The following G3BP2 variants were observed in gnomAD, a reference collection of about 807,000 sequenced individuals.
The protein encoded by G3BP2 is ras GTPase-activating protein-binding protein 2.
A neutral mutation model predicts 56.7 loss-of-function variants in G3BP2; 11 were observed. That is an observed-to-expected ratio of 0.19 (90% CI 0.12 to 0.32). The LOEUF (loss-of-function observed/expected upper bound fraction) is 0.32. G3BP2 is among the 10% of genes least tolerant of loss of function. G3BP2 has a pLI of 1.00. For synonymous variants in G3BP2, 165 were observed against 191.6 expected (o/e 0.86, Z 1.15); for missense variants, 340 against 610.9 (o/e 0.56, Z 4.67).
chr4:75,664,720 C>A (rs1423712031), intron 1 of G3BP2, among the ~76,000 whole-genome samples: 1 of 152,076 alleles, frequency 6.6e-6, no homozygotes, highest in Non-Finnish European at 1.5e-5. Context: ...TGATGGCACA[C>A]ACCTGTAATC....
intron 1 of G3BP2, among the ~76,000 whole-genome samples, chr4:75,671,186 T>C (rs965042938): frequency 6.6e-6 from 1 of 152,198 alleles, no homozygotes; most frequent in African/African-American, 2.4e-5. Flanking sequence ...TGTTTGTCCA[T>C]TAAATTCTAC....
In G3BP2 at chr4:75,673,410, C is replaced by T; in HGVS notation, c.-227G>A. The T allele has an allele frequency of 1.6e-6, 2 of 1,232,294 alleles. No individual in the cohort carries two copies. Among genetic ancestry groups the T allele is most frequent in the Non-Finnish European group, 2.0e-6 (2 of 988,048 alleles). 76.3% of individuals were successfully genotyped at this position (1,232,294 alleles called of 1,614,324 possible). The stretch of plus-strand genomic sequence containing the variant: ...TGCGACGTGCGACAAGGACCACGGA[C>T]GTCCCGCCCCCTTTGCCACCGCCCC... On this transcript the variant is annotated 5_prime_UTR_variant, in exon 1 of 12. Coordinates refer to ENST00000359707, the MANE Select transcript of G3BP2 (RefSeq NM_203505.3).
At position 75,682,384 on chromosome 4, in the gene G3BP2, C is replaced by G. The variant is rs552236819; in HGVS notation, c.-24-20335G>C. Among the ~76,000 whole-genome samples the G allele has an allele frequency of 2.7e-5, 4 of 149,858 alleles. No homozygotes were observed. In the East Asian group the frequency reaches 7.8e-4, roughly 29 times the overall value. On this transcript the variant is annotated intron_variant, in intron 3 of 3. Transcript: ENST00000499709. ...TGAGCCAAGATTGTGCCACTGCACTCCGGCCTTGTGACAGAGCGAGACTCC... is the reference window on the plus strand; with the variant it reads ...TGAGCCAAGATTGTGCCACTGCACTGCGGCCTTGTGACAGAGCGAGACTCC...
At chr4:75,683,736 T>A (rs778927916) in intron 3 of G3BP2, among the ~76,000 whole-genome samples, 1 of 152,284 alleles carries the variant, frequency 6.6e-6, no homozygotes. Flanking sequence ...GCTGCTAGTG[T>A]CTGGCTCAGA....
chr4:75,678,796 CAAT>C (rs1733971708), intron 3 of G3BP2, among the ~76,000 whole-genome samples: 1 of 152,090 alleles, frequency 6.6e-6, no homozygotes, highest in African/African-American at 2.4e-5. Flanking sequence ...AAAATGGGGA[CAAT>C]AATAATATCT....
chr4:75,672,032 G>C (rs1037787572), intron 1 of G3BP2, among the ~76,000 whole-genome samples: 1 of 152,152 alleles, frequency 6.6e-6, no homozygotes, highest in African/African-American at 2.4e-5. Context: ...CAACACTAAC[G>C]TTTGAAAGAC....
chr4:75,676,012 CA>C (rs1192378132), upstream of G3BP2, among the ~76,000 whole-genome samples: 4 of 152,116 alleles, frequency 2.6e-5, no homozygotes, highest in African/African-American at 9.7e-5. Flanking sequence ...GAGTAGACAC[CA>C]ATAAGTGGAG....
In G3BP2 at chr4:75,642,889, G is replaced by A. The variant is rs1411658103; in HGVS notation, c.*2541C>T. On this transcript the variant is annotated 3_prime_UTR_variant, in exon 12 of 12. Transcript: ENST00000359707. ...GAAACAATTAAACTAGATTCTACTA[G>A]CATATAATGCTTAACACATTACAGC... 6.6e-6 allele frequency: 1 copy of A among 152,526 alleles called. No individual in the cohort carries two copies. The highest frequency in any genetic ancestry group is 1.5e-5 in the Non-Finnish European group (1 of 67,990). 9.4% of individuals were successfully genotyped at this position (152,526 alleles called of 1,614,324 possible).
At chr4:75,662,747 G>C (rs1732669022) in intron 1 of G3BP2, among the ~76,000 whole-genome samples, 1 of 152,104 alleles carries the variant, frequency 6.6e-6, no homozygotes. Flanking sequence ...GAGGTCCAAT[G>C]CTGCCTCAGA....
upstream of G3BP2, among the ~76,000 whole-genome samples, chr4:75,678,084 C>G (rs566376926): frequency 1.9e-3 from 283 of 152,312 alleles, no homozygotes; most frequent in African/African-American, 6.6e-3. Context: ...ACTACTCAGC[C>G]TTTAGAACTA....
chr4:75,674,718 A>ATATATATATATATATATATTT (rs1241041465), upstream of G3BP2, among the ~76,000 whole-genome samples: 2 of 71,430 alleles, frequency 2.8e-5, no homozygotes, highest in African/African-American at 5.9e-5. Context: ...ATATATATAT[A>ATATATATATATATATATATTT]TTTTTTTTTT....
At chr4:75,683,329 AG>A (rs1283946391) in intron 3 of G3BP2, among the ~76,000 whole-genome samples, 1 of 152,192 alleles carries the variant, frequency 6.6e-6, no homozygotes, top group African/African-American at 2.4e-5. Flanking sequence ...TGTGAGGCCA[AG>A]GCGGGCAGAT....
At chr4:75,697,763 A>C (rs1719183160) in intron 3 of G3BP2, among the ~76,000 whole-genome samples, 1 of 152,194 alleles carries the variant, frequency 6.6e-6, no homozygotes, top group East Asian at 1.9e-4. Context: ...GCAAAACCCA[A>C]TCTCTACTAA....
chr4:75,684,368 G>A (rs1264067270), intron 3 of G3BP2, among the ~76,000 whole-genome samples: 1 of 151,856 alleles, frequency 6.6e-6, no homozygotes, highest in Non-Finnish European at 1.5e-5. Flanking sequence ...TCACACCACT[G>A]CACTCTGGCC....
At chr4:75,677,160 G>A (rs1733905264), upstream of G3BP2, among the ~76,000 whole-genome samples, 1 of 152,108 alleles carries the variant, frequency 6.6e-6, no homozygotes, top group Non-Finnish European at 1.5e-5. Flanking sequence ...TAAGACATTT[G>A]AATTTATAAA....
At chr4:75,697,167 A>G (rs947989937) in intron 3 of G3BP2, among the ~76,000 whole-genome samples, 2 of 151,008 alleles carry the variant, frequency 1.3e-5, no homozygotes, top group Non-Finnish European at 2.9e-5. Flanking sequence ...CCAGCTACTC[A>G]GGAGGCTGAG....
intron 3 of G3BP2, among the ~76,000 whole-genome samples, chr4:75,702,191 T>C (rs971979922): frequency 6.6e-6 from 1 of 150,952 alleles, no homozygotes; most frequent in Admixed American, 6.6e-5. Context: ...TTTTTTTTTT[T>C]TTGAGACAGG....
In G3BP2 at chr4:75,714,205, G is replaced by C. The variant is rs116554221; in HGVS notation, c.-25+6672C>G. 1.4e-3 allele frequency among the ~76,000 whole-genome samples: 212 copies of C among 152,314 alleles called. 1 individual carries two copies. The highest frequency in any genetic ancestry group is 5.0e-3 in the African/African-American group (206 of 41,572). On this transcript the variant is annotated intron_variant, in intron 3 of 3. Transcript: ENST00000499709. ...GTATCAGTGTTCATTTCCTGGTTTT[G>C]ATTATTAAAATCATTGAGAAAATAC...
chr4:75,681,238 C>T (rs537746225), intron 3 of G3BP2, among the ~76,000 whole-genome samples: 17 of 147,542 alleles, frequency 1.2e-4, no homozygotes, highest in Non-Finnish European at 2.5e-4. Flanking sequence ...GCAGGAGAAT[C>T]GCTTGAACCC....
Sources: allele counts gnomAD v4.1 joint callset (sites outside exome capture counted in the v4.1 genomes callset), GRCh38; gene constraint gnomAD v4.1.1; transcripts MANE v1.5; gene names NCBI Gene and HGNC (gene_info 2026-07-23, HGNC 2026-07-21).